Variants in TMEM17 observed in about 807,000 individuals in gnomAD.
TMEM17 encodes the protein transmembrane protein 17.
A neutral mutation model predicts 19.1 loss-of-function variants in TMEM17; 15 were observed. The ratio of observed to expected loss-of-function variants is 0.78; its 90% CI spans 0.52 to 1.21. The LOEUF is 1.21. TMEM17 is among the 50% of genes most tolerant of loss of function. TMEM17 has a pLI of 0.00. For synonymous variants in TMEM17, 103 were observed against 86.9 expected (o/e 1.19, Z -1.03); for missense variants, 245 against 242.3 (o/e 1.01, Z -0.07).
At chr2:62,494,038 C>A in the TMEM17 span, among the ~76,000 whole-genome samples, 1 of 152,204 alleles carries the variant, frequency 6.6e-6, no homozygotes, top group African/African-American at 2.4e-5. Context: ...TCATCTTTTA[C>A]ATAGCTGTAT....
the TMEM17 span, among the ~76,000 whole-genome samples, chr2:62,456,165 G>A: frequency 6.6e-6 from 1 of 152,234 alleles, no homozygotes; most frequent in African/African-American, 2.4e-5. Context: ...TCCTGTGGCT[G>A]CTGTAACAAA....
the TMEM17 span, among the ~76,000 whole-genome samples, chr2:62,461,227 C>T: frequency 6.6e-6 from 1 of 152,114 alleles, no homozygotes; most frequent in East Asian, 1.9e-4. Context: ...TCCCTGATTA[C>T]CAATATGTTC....
chr2:62,476,848 T>C, the TMEM17 span, among the ~76,000 whole-genome samples: 3 of 152,222 alleles, frequency 2.0e-5, no homozygotes, highest in Non-Finnish European at 4.4e-5. Flanking sequence ...GACTTCCTGC[T>C]GAGACTGAGC....
chr2:62,473,074 G>A, the TMEM17 span, among the ~76,000 whole-genome samples: 31 of 152,200 alleles, frequency 2.0e-4, no homozygotes, highest in African/African-American at 6.7e-4. Flanking sequence ...ACAAAAATCA[G>A]GTGGCTTCTC....
chr2:62,491,777 A>G, the TMEM17 span, among the ~76,000 whole-genome samples: 10 of 152,220 alleles, frequency 6.6e-5, no homozygotes, highest in Middle Eastern at 3.4e-3. Context: ...GCAAATGACA[A>G]TCTTTTAAAT....
chr2:62,454,190 C>T, the TMEM17 span, among the ~76,000 whole-genome samples: 3 of 152,136 alleles, frequency 2.0e-5, no homozygotes, highest in Admixed American at 6.5e-5. Context: ...GCAGCCTAGT[C>T]GGCAGAGTGG....
At chr2:62,502,644 C>A in intron 2 of TMEM17, 47 bp downstream of exon 2, 1 of 1,486,358 alleles carries the variant, frequency 6.7e-7, no homozygotes, top group Non-Finnish European at 9.2e-7. Context: ...ATTTTATTGA[C>A]ACTCTAACAA....
At position 62,502,746 on chromosome 2, in the gene TMEM17, TTAAAA is replaced by T. The variant is rs1248312650; in HGVS notation, c.144_148del (p.Tyr48Ter). 2.5e-6 allele frequency: 4 copies of T among 1,609,548 alleles called. No individual in the cohort carries two copies. The highest frequency in any genetic ancestry group is 3.4e-6 in the Non-Finnish European group (4 of 1,178,780). On this transcript the variant is annotated stop_gained and frameshift_variant, in exon 2 of 4. Coordinates refer to ENST00000335390, the MANE Select transcript of TMEM17 (RefSeq NM_198276.3). LOFTEE classifies it high-confidence loss of function. The stretch of plus-strand genomic sequence containing the variant: ...CCACCACAGTGGGAAATAGTAGGTA[TTAAAA>T]TAAAGTGACATCTGCAGTGCCAAAC...
rs532274982 is a variant in TMEM17 at position 62,504,184 on chromosome 2, C to G, written c.101-1390G>C. 1.7e-3 allele frequency among the ~76,000 whole-genome samples: 255 copies of G among 152,234 alleles called. 1 individual carries two copies. Among genetic ancestry groups the G allele is most frequent in the Middle Eastern group, 0.01 (3 of 294 alleles). ...CACAGCAAAATAGTTTCTTTTAGCT[C>G]CAAGAATATGCCTGATTATTATGAT... is the stretch of plus-strand genomic sequence containing the variant. On this transcript the variant is annotated intron_variant, in intron 1 of 3. Coordinates refer to ENST00000335390, the MANE Select transcript of TMEM17 (RefSeq NM_198276.3).
downstream of TMEM17, among the ~76,000 whole-genome samples, chr2:62,496,085 A>AT (rs66654346): frequency 2.3e-4 from 35 of 150,444 alleles, no homozygotes; most frequent in African/African-American, 4.7e-4. Flanking sequence ...CAGCTTTTAG[A>AT]TTTTTTTTTT....
the TMEM17 span, among the ~76,000 whole-genome samples, chr2:62,476,444 G>T: frequency 1.5e-4 from 23 of 152,256 alleles, no homozygotes; most frequent in Non-Finnish European, 7.4e-5. Flanking sequence ...AGACAGGAGC[G>T]GGAGGCTATG....
the TMEM17 span, among the ~76,000 whole-genome samples, chr2:62,488,668 T>C: frequency 6.6e-6 from 1 of 152,104 alleles, no homozygotes; most frequent in Non-Finnish European, 1.5e-5. Context: ...GCTTAGGAAT[T>C]GGATCTTGAA....
chr2:62,486,966 T>G, the TMEM17 span, among the ~76,000 whole-genome samples: 2 of 152,170 alleles, frequency 1.3e-5, no homozygotes, highest in Non-Finnish European at 2.9e-5. Flanking sequence ...GTCGGGGAGC[T>G]GCTCAGTGTA....
At chr2:62,494,645 T>C in the TMEM17 span, among the ~76,000 whole-genome samples, 1 of 152,148 alleles carries the variant, frequency 6.6e-6, no homozygotes, top group Admixed American at 6.5e-5. Flanking sequence ...CAGCCAAATA[T>C]AGTGCTATTA....
At chr2:62,479,480 G>T in the TMEM17 span, among the ~76,000 whole-genome samples, 1 of 152,088 alleles carries the variant, frequency 6.6e-6, no homozygotes, top group African/African-American at 2.4e-5. Context: ...TCCGTTGTTG[G>T]ACACCTAGGT....
chr2:62,484,153 G>A, the TMEM17 span, among the ~76,000 whole-genome samples: 3 of 152,142 alleles, frequency 2.0e-5, no homozygotes, highest in Non-Finnish European at 4.4e-5. Flanking sequence ...CCAATGATTT[G>A]GTTGGTGTCT....
the TMEM17 span, among the ~76,000 whole-genome samples, chr2:62,461,554 G>T: frequency 6.6e-6 from 1 of 152,144 alleles, no homozygotes; most frequent in Non-Finnish European, 1.5e-5. Flanking sequence ...AAGGTACCTG[G>T]TTTTTTGCAG....
chr2:62,459,957 A>C, the TMEM17 span, among the ~76,000 whole-genome samples: 1 of 152,234 alleles, frequency 6.6e-6, no homozygotes, highest in Non-Finnish European at 1.5e-5. Context: ...TTTGAATACT[A>C]GATTTTTCTC....
At chr2:62,505,417 A>G (rs1421454590) in intron 1 of TMEM17, among the ~76,000 whole-genome samples, 1 of 152,182 alleles carries the variant, frequency 6.6e-6, no homozygotes. Flanking sequence ...CCCGGCTAGT[A>G]TGGCACATGC....
Sources: gnomAD v4.1 joint callset for allele counts (sites outside exome capture counted in the v4.1 genomes callset) on GRCh38, gnomAD v4.1.1 for gene constraint, MANE v1.5 for transcripts, NCBI Gene and HGNC (gene_info 2026-07-23, HGNC 2026-07-21) for gene names.